JMJD1C: variants seen among roughly 807,000 people sequenced by gnomAD.
JMJD1C encodes the protein jumonji domain-containing protein 1C.
Under a neutral mutation model 245.3 loss-of-function variants are expected in JMJD1C, and 31 were observed. The observed-to-expected ratio is 0.13, with a 90% CI of 0.09 to 0.17. JMJD1C has a LOEUF of 0.17. JMJD1C is among the 10% of genes least tolerant of loss of function. The pLI, the probability that JMJD1C is intolerant of heterozygous loss-of-function variation, is 1.00. For missense variants in JMJD1C, 2,691 were observed against 3,000.2 expected (o/e 0.90, Z 2.41); for synonymous variants, 1,057 against 1,017.4 (o/e 1.04, Z -0.74).
intron 1 of JMJD1C, among the ~76,000 whole-genome samples, chr10:63,387,316 TC>T: frequency 6.6e-6 from 1 of 152,086 alleles, no homozygotes; most frequent in East Asian, 1.9e-4. Context: ...ACAGTAATTC[TC>T]CAACAACAGA....
intron 1 of JMJD1C, among the ~76,000 whole-genome samples, chr10:63,430,516 T>C (rs977718023): frequency 3.3e-5 from 5 of 152,358 alleles, no homozygotes; most frequent in South Asian, 2.1e-4. Flanking sequence ...ATTTCATTTA[T>C]ATGGAATGTT....
intron 1 of JMJD1C, among the ~76,000 whole-genome samples, chr10:63,396,935 T>TG (rs1278612397): frequency 6.6e-6 from 1 of 150,704 alleles, no homozygotes; most frequent in African/African-American, 2.4e-5. Flanking sequence ...TTTGGTTTTT[T>TG]TTTTTTTTTT....
At chr10:63,387,629 A>AATTTAT (rs1554915199) in intron 1 of JMJD1C, among the ~76,000 whole-genome samples, 3 of 37,840 alleles carry the variant, frequency 7.9e-5, no homozygotes, top group Non-Finnish European at 1.3e-4. Context: ...GAAAAAAAAA[A>AATTTAT]TTTTTTTTTT....
intron 1 of JMJD1C, among the ~76,000 whole-genome samples, chr10:63,507,586 A>C (rs1336066727): frequency 7.3e-6 from 1 of 137,286 alleles, no homozygotes; most frequent in African/African-American, 2.7e-5. Context: ...TGGAGGTTGT[A>C]GTGAGCTGAG....
intron 1 of JMJD1C, among the ~76,000 whole-genome samples, chr10:63,520,642 G>A (rs1955184603): frequency 6.6e-6 from 1 of 152,036 alleles, no homozygotes; most frequent in African/African-American, 2.4e-5. Context: ...TAAATCTTAA[G>A]ACAGGTCAGG....
chr10:63,391,446 C>A (rs993494409), intron 1 of JMJD1C, among the ~76,000 whole-genome samples: 1 of 151,932 alleles, frequency 6.6e-6, no homozygotes, highest in African/African-American at 2.4e-5. Flanking sequence ...GGAGGCAGAG[C>A]TTGCAGTGAG....
intron 3 of JMJD1C, among the ~76,000 whole-genome samples, chr10:63,241,360 A>G (rs1052447226): frequency 2.0e-5 from 3 of 152,188 alleles, no homozygotes; most frequent in Non-Finnish European, 4.4e-5. Flanking sequence ...CAGTAAAGTG[A>G]AACAATACTG....
At chr10:63,277,135 CCT>C (rs929635769) in intron 2 of JMJD1C, among the ~76,000 whole-genome samples, 1 of 151,636 alleles carries the variant, frequency 6.6e-6, no homozygotes, top group African/African-American at 2.4e-5. Context: ...CCCGCCTCGG[CCT>C]CTCAAAGTGC....
At chr10:63,312,060 C>G (rs1350057635) in intron 2 of JMJD1C, among the ~76,000 whole-genome samples, 1 of 150,046 alleles carries the variant, frequency 6.7e-6, no homozygotes, top group African/African-American at 2.4e-5. Context: ...AGTAATACTT[C>G]TCCCCAGACA....
chr10:63,394,989 G>C (rs1003125141), intron 1 of JMJD1C, among the ~76,000 whole-genome samples: 2 of 151,930 alleles, frequency 1.3e-5, no homozygotes, highest in Admixed American at 1.3e-4. Context: ...CTTGTATCAA[G>C]AATATATAAA....
At chr10:63,506,851 T>C (rs1446324499) in intron 1 of JMJD1C, among the ~76,000 whole-genome samples, 8 of 152,232 alleles carry the variant, frequency 5.3e-5, no homozygotes, top group Admixed American at 5.2e-4. Context: ...ATATGTATAA[T>C]GACATGTATG....
chr10:63,396,605 T>C (rs1423142217), intron 1 of JMJD1C, among the ~76,000 whole-genome samples: 1 of 152,130 alleles, frequency 6.6e-6, no homozygotes, highest in Admixed American at 6.5e-5. Flanking sequence ...CAGAATAGTA[T>C]TCCCTAAATG....
chr10:63,347,907 C>A (rs2134267411), intron 2 of JMJD1C, among the ~76,000 whole-genome samples: 1 of 152,118 alleles, frequency 6.6e-6, no homozygotes, highest in Middle Eastern at 3.4e-3. Flanking sequence ...GAGCAAGACT[C>A]CATCTCAAAA....
At position 63,206,832 on chromosome 10, in the gene JMJD1C, C is replaced by T; in HGVS notation, c.4837G>A (p.Val1613Ile). 1.2e-6 allele frequency: 2 copies of T among 1,600,144 alleles called. No individual in the cohort carries two copies. Among genetic ancestry groups the T allele is most frequent in the Non-Finnish European group, 1.7e-6 (2 of 1,175,878 alleles). The change falls in exon 10 of 26, where the codon GTC becomes ATC. Residue 1613 changes from valine (V) to isoleucine (I), a missense_variant. Physicochemically the swap from Val to Ile is conservative, Grantham distance 29. Transcript: ENST00000399262. The part of the protein sequence containing the change: ...IVDKYVKDDK[V>I]NRRKAKRTYE... The stretch of plus-strand genomic sequence containing the variant: ...GTTCTTTTGGCTTTTCTCCTGTTGA[C>T]TTTATCATCTTTTACATATTTATCA...
chr10:63,425,751 C>T (rs896253099), intron 1 of JMJD1C, among the ~76,000 whole-genome samples: 6 of 152,232 alleles, frequency 3.9e-5, no homozygotes, highest in South Asian at 4.2e-4. Context: ...CACTGCACTC[C>T]GGCCTGGGAA....
intron 2 of JMJD1C, among the ~76,000 whole-genome samples, chr10:63,280,146 A>AT (rs1452002295): frequency 1.3e-5 from 2 of 152,134 alleles, no homozygotes; most frequent in African/African-American, 2.4e-5. Flanking sequence ...GCGAGACTTC[A>AT]TATCAATTTA....
intron 3 of JMJD1C, among the ~76,000 whole-genome samples, chr10:63,227,938 C>G (rs4281380): frequency 2.6e-5 from 4 of 152,096 alleles, no homozygotes; most frequent in Non-Finnish European, 5.9e-5. Flanking sequence ...TTAACTTATA[C>G]AAGAATCCAT....
At chr10:63,514,390 C>T (rs564967588) in intron 1 of JMJD1C, among the ~76,000 whole-genome samples, 6 of 152,210 alleles carry the variant, frequency 3.9e-5, no homozygotes, top group African/African-American at 1.4e-4. Context: ...TGCCCATCAA[C>T]AGGATTGGAT....
intron 1 of JMJD1C, among the ~76,000 whole-genome samples, chr10:63,453,202 G>C (rs1015823927): frequency 7.2e-5 from 11 of 152,188 alleles, no homozygotes; most frequent in African/African-American, 1.9e-4. Flanking sequence ...TTGAACCCAG[G>C]AGGCGGAGGG....
Sources: gnomAD v4.1 joint callset for allele counts (sites outside exome capture counted in the v4.1 genomes callset) on GRCh38, gnomAD v4.1.1 for gene constraint, MANE v1.5 for transcripts, NCBI Gene and HGNC (gene_info 2026-07-23, HGNC 2026-07-21) for gene names.